Variants in ERCC5 observed in about 807,000 individuals in gnomAD.
ERCC5 encodes the protein ERCC excision repair 5, endonuclease.
Under a neutral mutation model 105.6 loss-of-function variants are expected in ERCC5, and 68 were observed. That is an observed-to-expected ratio of 0.64 (90% confidence interval 0.53 to 0.79). The LOEUF is 0.79. ERCC5 is among the 30% of genes least tolerant of loss of function. The pLI is 0.00. For missense variants in ERCC5, 1,373 were observed against 1,426.7 expected (o/e 0.96, Z 0.61); for synonymous variants, 546 against 526.2 (o/e 1.04, Z -0.51).
rs759962943 is a variant in ERCC5 at position 102,862,188 on chromosome 13, G to T, written c.1039G>T (p.Ala347Ser). 47 of 1,614,056 alleles carry T rather than the reference G, an allele frequency of 2.9e-5. No homozygotes were observed. The highest frequency in any genetic ancestry group is 3.9e-5 in the Non-Finnish European group (46 of 1,180,036). The change falls in exon 8 of 15, where the codon GCT (alanine) becomes TCT (serine). Residue 347 changes from alanine to serine, a missense_variant. Around this residue, in one of 3 missense-constraint regions of ERCC5, gnomAD observed 1,004 missense variants for 1,059.7 expected, o/e 0.95. Transcript: ENST00000652225. Reference sequence around the variant, plus strand: ...CCCTCCTTCTCCAAGAACTTTACTAGCTATGCAAGCTGCCCTGCTGGGAAG... The same window carrying T: ...CCCTCCTTCTCCAAGAACTTTACTATCTATGCAAGCTGCCCTGCTGGGAAG... ...ATPPSPRTLLAMQAALLGSSS... is the reference protein window; with the variant it reads ...ATPPSPRTLLSMQAALLGSSS...
intron 12 of ERCC5, among the ~76,000 whole-genome samples, chr13:102,870,436 C>T (rs936698471): frequency 6.6e-6 from 1 of 152,096 alleles, no homozygotes; most frequent in East Asian, 1.9e-4. Context: ...TCACAGTTGC[C>T]TCCACTCCCC....
Position 102,861,691 on chromosome 13 carries a change from C to T in ERCC5, c.857C>T (p.Thr286Ile). ...TCAAGGAGAGTGGTCTCTGAAGACA[C>T]TTCACATTACATCTTGATAAAAGGT... ...VESRRVVSED[T>I]SHYILIKGIQ... Residue 286 changes from threonine (T) to isoleucine (I), a missense_variant, in exon 7 of 15, where the codon ACT (threonine) becomes ATT (isoleucine). Thr to Ile is a moderately conservative substitution (Grantham distance 89, BLOSUM62 -1). This residue lies in a region of ERCC5 where 1,004 missense variants were observed against 1,059.7 expected (regional missense o/e 0.95). Transcript: ENST00000652225. 6.2e-7 allele frequency: 1 copy of T among 1,614,140 alleles called. No individual in the cohort carries two copies. The highest frequency in any genetic ancestry group is 1.3e-5 in the African/African-American group (1 of 75,040).
intron 6 of ERCC5, among the ~76,000 whole-genome samples, chr13:102,860,313 C>A (rs1475398365): frequency 6.6e-6 from 1 of 152,156 alleles, no homozygotes; most frequent in African/African-American, 2.4e-5. Flanking sequence ...ACTTTTCTAT[C>A]TGTGATATTG....
intron 1 of ERCC5, among the ~76,000 whole-genome samples, chr13:102,846,811 A>G (rs1566462266): frequency 6.6e-6 from 1 of 152,126 alleles, no homozygotes. Context: ...GAATCGGGTG[A>G]TGAGGCGGGC....
At chr13:102,851,247 A>G (rs1157056170) in intron 1 of ERCC5, among the ~76,000 whole-genome samples, 2 of 152,162 alleles carry the variant, frequency 1.3e-5, no homozygotes, top group Non-Finnish European at 2.9e-5. Flanking sequence ...TGCTCCTGCA[A>G]CTTCCATTTT....
intron 1 of ERCC5, 108 bp from the exon 2 acceptor site, chr13:102,852,010 G>A: frequency 3.2e-6 from 4 of 1,253,782 alleles, no homozygotes; most frequent in Middle Eastern, 1.9e-4. Flanking sequence ...AATGAATAGT[G>A]ATAAGTATTT....
chr13:102,874,734 A>T (rs149145093), intron 14 of ERCC5: 2 of 152,898 alleles, frequency 1.3e-5, no homozygotes, highest in Non-Finnish European at 2.9e-5. Context: ...CGTGTAAGCC[A>T]GAATGGTCTC....
intron 3 of ERCC5, 123 bp downstream of exon 3, chr13:102,853,995 G>C: frequency 3.4e-6 from 3 of 888,778 alleles, no homozygotes; most frequent in Non-Finnish European, 5.1e-6. Context: ...AGAGTGAAAT[G>C]AGACAAGTAG....
chr13:102,861,909 C>G, intron 7 of ERCC5, 121 bp from the exon 8 acceptor site: 1 of 1,438,062 alleles, frequency 7.0e-7, no homozygotes, highest in Non-Finnish European at 9.7e-7. Flanking sequence ...CTCCTAGTTG[C>G]CGATTAAATG....
At chr13:102,855,990 A>G in intron 4 of ERCC5, 62 bp from the exon 5 acceptor site, 3 of 1,530,546 alleles carry the variant, frequency 2.0e-6, no homozygotes, top group Non-Finnish European at 2.7e-6. Flanking sequence ...CCTTGCATAC[A>G]AGTATTTTTG....
intron 5 of ERCC5, among the ~76,000 whole-genome samples, chr13:102,857,606 C>T (rs1221321396): frequency 7.0e-6 from 1 of 142,492 alleles, no homozygotes; most frequent in Non-Finnish European, 1.5e-5. Context: ...AAGTTTTACA[C>T]TTTTCCATGT....
chr13:102,849,236 T>C (rs1445304205), intron 1 of ERCC5: 1 of 518,812 alleles, frequency 1.9e-6, no homozygotes, highest in Non-Finnish European at 3.9e-6. Flanking sequence ...CCACCACTAC[T>C]GTCTGCGTTA....
chr13:102,853,941 C>G (rs1427372683), intron 3 of ERCC5, 69 bp downstream of exon 3: 1 of 1,431,602 alleles, frequency 7.0e-7, no homozygotes, highest in Non-Finnish European at 9.8e-7. Flanking sequence ...TGATTTCCTG[C>G]GATTCTCTTT....
Position 102,858,485 on chromosome 13 carries a change from A to T in ERCC5, c.672+67A>T, listed in dbSNP as rs1465548716. On this transcript the variant is annotated intron_variant, in intron 6 of 14. Transcript: ENST00000652225. Reference sequence around the variant, plus strand: ...TTCAGCAAAACTTTTTATTAGAAAGAAGAGAAAATTGATAAGCAATACTTA... The same window carrying T: ...TTCAGCAAAACTTTTTATTAGAAAGTAGAGAAAATTGATAAGCAATACTTA... 2.5e-6 allele frequency: 4 copies of T among 1,609,236 alleles called. No individual in the cohort carries two copies. The East Asian group carries it at 6.7e-5, about 27-fold the overall frequency.
chr13:102,874,836 A>G (rs1258842267), intron 14 of ERCC5: 2 of 160,128 alleles, frequency 1.2e-5, no homozygotes, highest in African/African-American at 4.8e-5. Flanking sequence ...TATCTTCTTA[A>G]AAGTGAATTT....
In ERCC5 at chr13:102,846,296, G is replaced by T; in HGVS notation, c.30G>T (p.Leu10=). 1 of 1,613,994 alleles carries T rather than the reference G, an allele frequency of 6.2e-7. No homozygotes were observed. Among genetic ancestry groups the T allele is most frequent in the South Asian group, 1.1e-5 (1 of 91,054 alleles). MGVQGLWKL[L]ECSGRQVSPE... Reference sequence around the variant, plus strand: ...GGGTCCAGGGGCTCTGGAAGCTGCTGGAGTGCTCCGGGCGGCAGGTCAGCC... The same window carrying T: ...GGGTCCAGGGGCTCTGGAAGCTGCTTGAGTGCTCCGGGCGGCAGGTCAGCC... Residue 10 remains leucine (L), a synonymous_variant, in exon 1 of 15, where the codon CTG becomes CTT. Coordinates refer to ENST00000652225, the MANE Select transcript of ERCC5 (RefSeq NM_000123.4).
rs770593551 is a variant in ERCC5 at position 102,873,242 on chromosome 13, G to A, written c.2880-17G>A. 2 of 1,613,894 alleles carry A rather than the reference G, an allele frequency of 1.2e-6. No individual in the cohort carries two copies. Among genetic ancestry groups the A allele is most frequent in the Admixed American group, 1.7e-5 (1 of 60,012 alleles). The stretch of plus-strand genomic sequence containing the variant: ...TAAATATCTTTCAAAATATTTATAA[G>A]TCTTAACTGCATGCATATTTTGTCA... On this transcript the variant is annotated splice_polypyrimidine_tract_variant and intron_variant, in intron 13 of 14. Coordinates refer to ENST00000652225, the MANE Select transcript of ERCC5 (RefSeq NM_000123.4).
Position 102,875,358 on chromosome 13 carries a change from G to A in ERCC5, c.3016G>A (p.Asp1006Asn), listed in dbSNP as rs768369122. 4.3e-6 allele frequency: 7 copies of A among 1,613,908 alleles called. No homozygotes were observed. In the East Asian group the frequency reaches 1.3e-4, roughly 31 times the overall value. Residue 1006 changes from aspartate to asparagine, a missense_variant, in exon 15 of 15, where the codon GAT becomes AAT. Asp to Asn is a conservative substitution (Grantham distance 23, BLOSUM62 1). Coordinates refer to ENST00000652225, the MANE Select transcript of ERCC5 (RefSeq NM_000123.4). ...TAGATTAGCACAACAGGAGAAAGAAGATGCTAAACGTATTAAGAGCCAGAG... is the reference window on the plus strand; with the variant it reads ...TAGATTAGCACAACAGGAGAAAGAAAATGCTAAACGTATTAAGAGCCAGAG... ...FFRLAQQEKE[D>N]AKRIKSQRLN... is the part of the protein sequence containing the mutation.
At chr13:102,863,773 AG>A (rs1595384343) in intron 8 of ERCC5, among the ~76,000 whole-genome samples, 1 of 152,210 alleles carries the variant, frequency 6.6e-6, no homozygotes, top group South Asian at 2.1e-4. Flanking sequence ...AGATGACCAG[AG>A]GGTGGGGACA....
Sources: allele counts gnomAD v4.1 joint callset (sites outside exome capture counted in the v4.1 genomes callset), GRCh38; gene constraint gnomAD v4.1.1; regional missense constraint gnomAD v4.1.1; transcripts MANE v1.5; gene names NCBI Gene and HGNC (gene_info 2026-07-23, HGNC 2026-07-21).